ST6GALNAC3: variants seen among roughly 807,000 people sequenced by gnomAD.
ST6GALNAC3 encodes ST6 N-acetylgalactosaminide alpha-2,6-sialyltransferase 3.
In ST6GALNAC3, 25 loss-of-function variants were observed where a neutral mutation model predicts 32.7. That is an observed-to-expected ratio of 0.76 (90% CI 0.56 to 1.07). The LOEUF (loss-of-function observed/expected upper bound fraction) is 1.07, where lower values mean the gene tolerates loss of function less well. Ranked by LOEUF, ST6GALNAC3 falls within the 50% of genes least tolerant of loss-of-function variation. ST6GALNAC3 has a pLI of 0.00. For missense variants in ST6GALNAC3, 355 were observed against 382.4 expected (o/e 0.93, Z 0.60); for synonymous variants, 129 against 133.1 (o/e 0.97, Z 0.21).
chr1:76,126,785 T>G (rs928524827), intron 1 of ST6GALNAC3, among the ~76,000 whole-genome samples: 2 of 152,182 alleles, frequency 1.3e-5, no homozygotes, highest in Non-Finnish European at 2.9e-5. Context: ...AAGGTGATTG[T>G]GCATGTAAAG....
intron 3 of ST6GALNAC3, among the ~76,000 whole-genome samples, chr1:76,550,772 C>T (rs4949728): frequency 0.58 from 87,459 of 151,784 alleles, 28,067 homozygotes; most frequent in East Asian, 0.74. Flanking sequence ...TTTTTTGAGA[C>T]GGAGTTTTGC....
intron 1 of ST6GALNAC3, among the ~76,000 whole-genome samples, chr1:76,111,917 C>G (rs558626214): frequency 6.6e-6 from 1 of 152,200 alleles, no homozygotes; most frequent in Non-Finnish European, 1.5e-5. Flanking sequence ...ACAAAACCGC[C>G]GTTGTCATCA....
chr1:76,609,820 A>T (rs1230380708), intron 3 of ST6GALNAC3, among the ~76,000 whole-genome samples: 2 of 151,744 alleles, frequency 1.3e-5, no homozygotes, highest in Non-Finnish European at 2.9e-5. Flanking sequence ...ACCCCCCTTG[A>T]CTTGGGTTCA....
chr1:76,398,237 G>A lies in ST6GALNAC3; in HGVS notation c.214-13771G>A, dbSNP rs544101334. Among the ~76,000 whole-genome samples the A allele has an allele frequency of 1.5e-3, 235 of 152,234 alleles. 1 individual carries two copies. Among genetic ancestry groups the A allele is most frequent in the African/African-American group, 5.5e-3 (228 of 41,554 alleles). On this transcript the variant is annotated intron_variant, in intron 2 of 4. Transcript: ENST00000328299. The stretch of plus-strand genomic sequence containing the variant: ...ATGAGACAAATCTCTTTAGTGAATG[G>A]GCTTTTATAACCTTTACTATTTAAT...
At chr1:76,593,892 G>A (rs992845530) in intron 3 of ST6GALNAC3, among the ~76,000 whole-genome samples, 1 of 152,062 alleles carries the variant, frequency 6.6e-6, no homozygotes, top group African/African-American at 2.4e-5. Context: ...GGCAGAGGAG[G>A]GAGACCTACT....
chr1:76,337,392 G>A (rs751182), intron 2 of ST6GALNAC3, among the ~76,000 whole-genome samples: 66,022 of 152,046 alleles, frequency 0.43, 15,918 homozygotes, highest in South Asian at 0.61. Flanking sequence ...AAATAGTCGG[G>A]AAATTACCCT....
chr1:76,351,132 C>T (rs1648943105), intron 2 of ST6GALNAC3, among the ~76,000 whole-genome samples: 1 of 152,180 alleles, frequency 6.6e-6, no homozygotes, highest in Middle Eastern at 3.4e-3. Flanking sequence ...TACAAAGATT[C>T]GGCTACATTT....
chr1:76,456,081 A>G (rs1557432601), intron 3 of ST6GALNAC3, among the ~76,000 whole-genome samples: 1 of 152,292 alleles, frequency 6.6e-6, no homozygotes, highest in East Asian at 1.9e-4. Flanking sequence ...CTGAGGCAGG[A>G]GAATTGCTTG....
chr1:76,426,518 A>AAAGACCTGCCTGC (rs949289295), intron 3 of ST6GALNAC3, among the ~76,000 whole-genome samples: 1 of 151,578 alleles, frequency 6.6e-6, no homozygotes, highest in African/African-American at 2.4e-5. Context: ...ATACTGCCTG[A>AAAGACCTGCCTGC]AAGACCTGCC....
At chr1:76,443,745 A>G (rs898711027) in intron 3 of ST6GALNAC3, among the ~76,000 whole-genome samples, 1 of 152,254 alleles carries the variant, frequency 6.6e-6, no homozygotes, top group Non-Finnish European at 1.5e-5. Flanking sequence ...TATGATTTCA[A>G]AAGAAAATAA....
intron 2 of ST6GALNAC3, among the ~76,000 whole-genome samples, chr1:76,404,003 C>A (rs2101234384): frequency 6.6e-6 from 1 of 152,160 alleles, no homozygotes; most frequent in Non-Finnish European, 1.5e-5. Flanking sequence ...CAGATCCATT[C>A]CCTAGAGGAA....
In ST6GALNAC3 at chr1:76,222,556, A is replaced by G. The variant is rs2706203; in HGVS notation, c.19-91249A>G. On this transcript the variant is annotated intron_variant, in intron 1 of 4. Transcript: ENST00000328299. ...AAGGAATTTTAAAAATTTACAAGCA[A>G]TGCTTAATGACGAGTTAATGGGTAC... is the stretch of plus-strand genomic sequence containing the variant. Among the ~76,000 whole-genome samples the G allele has an allele frequency of 8.4e-3, 1,279 of 152,302 alleles. 22 individuals carry two copies. Among genetic ancestry groups the G allele is most frequent in the African/African-American group, 0.029 (1,223 of 41,556 alleles).
At chr1:76,416,958 A>G (rs974363195) in intron 3 of ST6GALNAC3, among the ~76,000 whole-genome samples, 2 of 152,012 alleles carry the variant, frequency 1.3e-5, no homozygotes, top group Non-Finnish European at 1.5e-5. Flanking sequence ...GGAATTCCTC[A>G]CTGAGGAAAC....
intron 3 of ST6GALNAC3, among the ~76,000 whole-genome samples, chr1:76,596,151 AG>A (rs1472628676): frequency 6.6e-6 from 1 of 152,186 alleles, no homozygotes; most frequent in Non-Finnish European, 1.5e-5. Context: ...ATTAACATGA[AG>A]CCTGGAAGAC....
intron 1 of ST6GALNAC3, among the ~76,000 whole-genome samples, chr1:76,184,507 C>T (rs530299547): frequency 7.4e-4 from 105 of 142,248 alleles, no homozygotes; most frequent in Middle Eastern, 3.6e-3. Flanking sequence ...CCACTGCATT[C>T]CCTCCTGGGC....
intron 3 of ST6GALNAC3, among the ~76,000 whole-genome samples, chr1:76,507,923 A>T (rs1238476790): frequency 6.6e-6 from 1 of 152,222 alleles, no homozygotes; most frequent in African/African-American, 2.4e-5. Flanking sequence ...ATTTCTCCAC[A>T]TTCTAACCAA....
intron 2 of ST6GALNAC3, among the ~76,000 whole-genome samples, chr1:76,381,461 A>G (rs996514084): frequency 1.3e-5 from 2 of 152,210 alleles, no homozygotes; most frequent in Admixed American, 6.5e-5. Context: ...ATTTACTATT[A>G]TTTAGTGATG....
intron 2 of ST6GALNAC3, among the ~76,000 whole-genome samples, chr1:76,400,018 A>G (rs1391853660): frequency 1.3e-5 from 2 of 152,096 alleles, no homozygotes; most frequent in Non-Finnish European, 2.9e-5. Flanking sequence ...TCAATCTTCA[A>G]ACTTTTTTTA....
In ST6GALNAC3 at chr1:76,362,502, C is replaced by T. The variant is rs180785833; in HGVS notation, c.213+48503C>T. Among the ~76,000 whole-genome samples the T allele has an allele frequency of 8.2e-4, 125 of 152,310 alleles. 1 individual carries two copies. Among genetic ancestry groups the T allele is most frequent in the African/African-American group, 2.8e-3 (117 of 41,564 alleles). ...TTAACTCATTTCAGCATTAACTCAACAGTCCGAAGTCCAAAGTCTCATCTG... is the reference window on the plus strand; with the variant it reads ...TTAACTCATTTCAGCATTAACTCAATAGTCCGAAGTCCAAAGTCTCATCTG... On this transcript the variant is annotated intron_variant, in intron 2 of 4. Coordinates refer to ENST00000328299, the MANE Select transcript of ST6GALNAC3 (RefSeq NM_152996.4).
Sources: allele counts gnomAD v4.1 joint callset (sites outside exome capture counted in the v4.1 genomes callset), GRCh38; gene constraint gnomAD v4.1.1; transcripts MANE v1.5; gene names NCBI Gene and HGNC (gene_info 2026-07-23, HGNC 2026-07-21).